Variants in KDM1A observed in about 807,000 individuals in gnomAD.
The protein encoded by KDM1A is lysine demethylase 1A, also known as lysine-specific histone demethylase 1A.
KDM1A carries 49 observed loss-of-function variants against 109.4 expected under a neutral mutation model. The ratio of observed to expected loss-of-function variants is 0.45; its 90% confidence interval spans 0.36 to 0.57. KDM1A has a LOEUF of 0.57. Ranked by LOEUF, KDM1A falls within the 20% of genes least tolerant of loss-of-function variation. The pLI is 0.00. For synonymous variants in KDM1A, 380 were observed against 415.4 expected, an observed-to-expected ratio of 0.91 and a Z score of 1.04; for missense variants, 668 against 1,116.6, an observed-to-expected ratio of 0.60 and a Z score of 5.73.
intron 9 of KDM1A, among the ~76,000 whole-genome samples, chr1:23,064,817 A>G (rs1169436807): frequency 6.6e-6 from 1 of 152,232 alleles, no homozygotes; most frequent in African/African-American, 2.4e-5. Flanking sequence ...CCTATTTGGA[A>G]TAGTGAGACT....
At chr1:23,076,183 G>A (rs1211523186) in intron 15 of KDM1A, among the ~76,000 whole-genome samples, 1 of 152,110 alleles carries the variant, frequency 6.6e-6, no homozygotes, top group Non-Finnish European at 1.5e-5. Flanking sequence ...GAAGTAGAGT[G>A]TTGCTGCCAG....
chr1:23,068,679 T>A lies in KDM1A; in HGVS notation c.1320T>A (p.Ile440=). 1 of 1,554,184 alleles carries A rather than the reference T, an allele frequency of 6.4e-7. No homozygotes were observed. The highest frequency in any genetic ancestry group is 1.7e-4 in the Middle Eastern group (1 of 5,820). The change falls in exon 11 of 21, where the codon ATT becomes ATA. Residue 440 remains isoleucine, a splice_region_variant and synonymous_variant. Transcript: ENST00000400181. ...TTGGCCAGGCATTGGAAGTTGTCATTCAGTAAGTACTTTGATACTGCTTAT... is the reference window on the plus strand; with the variant it reads ...TTGGCCAGGCATTGGAAGTTGTCATACAGTAAGTACTTTGATACTGCTTAT... The part of the protein sequence containing the change: ...VSLGQALEVV[I]QLQEKHVKDE...
chr1:23,038,627 T>C (rs1467460794), intron 2 of KDM1A, among the ~76,000 whole-genome samples: 10 of 152,174 alleles, frequency 6.6e-5, no homozygotes, highest in Admixed American at 6.5e-4. Context: ...GTAAATTCTT[T>C]CCATTGGCTT....
At chr1:23,041,776 T>C (rs1054894067) in intron 2 of KDM1A, among the ~76,000 whole-genome samples, 1 of 148,842 alleles carries the variant, frequency 6.7e-6, no homozygotes, top group Admixed American at 6.7e-5. Context: ...TTTGTTGTTA[T>C]GGGATCCCTT....
At chr1:23,039,902 G>A (rs191409432) in intron 2 of KDM1A, among the ~76,000 whole-genome samples, 1 of 152,314 alleles carries the variant, frequency 6.6e-6, no homozygotes, top group East Asian at 1.9e-4. Flanking sequence ...TTTTGTATTT[G>A]TGCTTTGCAG....
chr1:23,049,194 G>A (rs1302532107), intron 3 of KDM1A, among the ~76,000 whole-genome samples: 1 of 150,048 alleles, frequency 6.7e-6, no homozygotes, highest in Admixed American at 6.6e-5. Context: ...TGGATATCTG[G>A]CGCCTATTTT....
chr1:23,052,198 C>T (rs1642693964), intron 4 of KDM1A, among the ~76,000 whole-genome samples: 1 of 152,194 alleles, frequency 6.6e-6, no homozygotes, highest in African/African-American at 2.4e-5. Context: ...TGGTCTCTGG[C>T]TGTGAAACAG....
At chr1:23,054,159 C>G (rs1642755605) in intron 5 of KDM1A, among the ~76,000 whole-genome samples, 1 of 152,116 alleles carries the variant, frequency 6.6e-6, no homozygotes, top group South Asian at 2.1e-4. Flanking sequence ...GACTTGGCAC[C>G]AACAATGTCT....
In KDM1A at chr1:23,079,073, C is replaced by T. The variant is rs1569822993; in HGVS notation, c.1951C>T (p.Leu651=). ...CGACGCAGTTCTCTGTACCCTTCCC[C>T]TGGGTGTGCTGAAGCAGCAGCCACC... The part of the protein sequence containing the change: ...KCDAVLCTLP[L]GVLKQQPPAV... Residue 651 remains leucine (L), a synonymous_variant, in exon 17 of 21, where the codon CTG becomes TTG. Coordinates refer to ENST00000400181, the MANE Select transcript of KDM1A (RefSeq NM_001009999.3). This position sits in a 1 kb window ranked among gnomAD's most constrained non-coding sequence, Gnocchi z 5.6. 1 of 1,614,150 alleles carries T rather than the reference C, an allele frequency of 6.2e-7. No homozygotes were observed. The highest frequency in any genetic ancestry group is 8.5e-7 in the Non-Finnish European group (1 of 1,180,000).
Position 23,082,336 on chromosome 1 carries a change from T to C in KDM1A, c.2415T>C (p.Thr805=). Residue 805 remains threonine (T), a synonymous_variant, in exon 20 of 21, where the codon ACT becomes ACC. Transcript: ENST00000400181. ...ATGATTTAATGGCTCAGCCAATCAC[T>C]CCTGGCCCCTCGATTCCAGGTGCCC... The part of the protein sequence containing the change: ...NDYDLMAQPI[T]PGPSIPGAPQ... 1.2e-6 allele frequency: 2 copies of C among 1,613,780 alleles called. No individual in the cohort carries two copies. Among genetic ancestry groups the C allele is most frequent in the Non-Finnish European group, 1.7e-6 (2 of 1,179,840 alleles).
At chr1:23,066,146 C>A (rs1032338723) in intron 10 of KDM1A, 75 bp downstream of exon 10, 2 of 1,015,852 alleles carry the variant, frequency 2.0e-6, no homozygotes, top group South Asian at 1.4e-5. Flanking sequence ...AAACCTAAAT[C>A]TTTTCCTTTC....
chr1:23,031,503 AT>A (rs1171545072), intron 2 of KDM1A, among the ~76,000 whole-genome samples: 9 of 152,094 alleles, frequency 5.9e-5, no homozygotes, highest in Non-Finnish European at 1.3e-4. Flanking sequence ...CCCATCTGCT[AT>A]ATCTTGCATG....
intron 1 of KDM1A, among the ~76,000 whole-genome samples, chr1:23,026,030 G>T (rs1641789022): frequency 6.6e-6 from 1 of 152,186 alleles, no homozygotes; most frequent in Admixed American, 6.5e-5. Context: ...GGCAGAGGTT[G>T]CAGTGAGCTG....
At chr1:23,078,489 C>G (rs1389131787) in intron 16 of KDM1A, among the ~76,000 whole-genome samples, 2 of 152,190 alleles carry the variant, frequency 1.3e-5, no homozygotes, top group African/African-American at 4.8e-5. Context: ...CATACTCTGA[C>G]AAGCTGAGAA....
At chr1:23,083,042 T>C in intron 20 of KDM1A, 137 bp from the exon 21 acceptor site, 1 of 742,184 alleles carries the variant, frequency 1.3e-6, no homozygotes, top group Non-Finnish European at 2.2e-6. Flanking sequence ...AGGGAGACTC[T>C]TCGATAGAAT....
chr1:23,080,469 CA>C (rs1472282480), intron 18 of KDM1A, among the ~76,000 whole-genome samples: 15 of 152,342 alleles, frequency 9.8e-5, no homozygotes, highest in African/African-American at 3.6e-4. Context: ...GGACGGTTAC[CA>C]ATAGCTACTA....
In KDM1A at chr1:23,030,597, T is replaced by G; in HGVS notation, c.480T>G (p.Pro160=). The G allele has an allele frequency of 1.3e-6, 2 of 1,568,554 alleles. No homozygotes were observed. The highest frequency in any genetic ancestry group is 1.7e-6 in the Non-Finnish European group (2 of 1,156,662). ...CCCCACCACCCCCTCAAGCCCCACC[T>G]GAGGAAGAAAATGAAAGTGAGCCTG... ...KLPPPPPQAP[P]EEENESEPEE... The change falls in exon 2 of 21, where the codon CCT becomes CCG. Residue 160 remains proline (P), a synonymous_variant. Transcript: ENST00000400181.
intron 1 of KDM1A, among the ~76,000 whole-genome samples, chr1:23,027,800 C>A (rs576707384): frequency 2.0e-5 from 3 of 148,548 alleles, no homozygotes; most frequent in Admixed American, 6.8e-5. Flanking sequence ...AAACTTCATT[C>A]TGAAGTCTAC....
intron 1 of KDM1A, among the ~76,000 whole-genome samples, chr1:23,030,256 TAC>T (rs1300041063): frequency 6.6e-6 from 1 of 152,234 alleles, no homozygotes; most frequent in African/African-American, 2.4e-5. Flanking sequence ...ATGTAAAACT[TAC>T]AGATTAGTTT....
Sources: allele counts gnomAD v4.1 joint callset (sites outside exome capture counted in the v4.1 genomes callset), GRCh38; gene constraint gnomAD v4.1.1; non-coding constraint Gnocchi (gnomAD v3.1); transcripts MANE v1.5; gene names NCBI Gene and HGNC (gene_info 2026-07-23, HGNC 2026-07-21).